Variants in CNST observed in about 807,000 individuals in gnomAD.
The protein encoded by CNST is consortin.
Under a neutral mutation model 72.4 loss-of-function variants are expected in CNST, and 39 were observed. The ratio of observed to expected loss-of-function variants is 0.54; its 90% CI spans 0.42 to 0.70. The LOEUF (loss-of-function observed/expected upper bound fraction) is 0.70. Ranked by LOEUF, CNST falls within the 30% of genes least tolerant of loss-of-function variation. CNST has a pLI of 0.00. For synonymous variants in CNST, 332 were observed against 320.1 expected (o/e 1.04, Z -0.40); for missense variants, 871 against 868.5 (o/e 1.00, Z -0.04).
chr1:246,659,332 C>T (rs1300980407), intron 9 of CNST, among the ~76,000 whole-genome samples: 2 of 152,200 alleles, frequency 1.3e-5, no homozygotes, highest in Non-Finnish European at 2.9e-5. Context: ...CGGTGGCTCA[C>T]ACCTGTAATC....
At position 246,633,943 on chromosome 1, in the gene CNST, C is replaced by G. The variant is rs763403592; in HGVS notation, c.636C>G (p.Phe212Leu). 9 of 1,610,652 alleles carry G rather than the reference C, an allele frequency of 5.6e-6. No individual in the cohort carries two copies. In the East Asian group the frequency reaches 1.3e-4, roughly 24 times the overall value. ...QEEDYEKAMKFIQLERLYHEQ... is the reference protein window; with the variant it reads ...QEEDYEKAMKLIQLERLYHEQ... ...ATTCAGATGAGAAAGCAATGAAATT[C>G]ATTCAGCTAGAACGATTGTATCATG... The change falls in exon 5 of 11, where the codon TTC becomes TTG. Residue 212 changes from phenylalanine (F) to leucine (L), a missense_variant. Phe to Leu is a conservative substitution (Grantham distance 22, BLOSUM62 0). Transcript: ENST00000366513.
intron 9 of CNST, among the ~76,000 whole-genome samples, chr1:246,658,583 G>A (rs1003541109): frequency 6.6e-6 from 1 of 152,096 alleles, no homozygotes; most frequent in South Asian, 2.1e-4. Flanking sequence ...AGAACTAATC[G>A]AATCTGTAAT....
intron 6 of CNST, among the ~76,000 whole-genome samples, chr1:246,636,714 A>C (rs1665279321): frequency 6.6e-6 from 1 of 152,222 alleles, no homozygotes; most frequent in South Asian, 2.1e-4. Flanking sequence ...TTGGACATGT[A>C]GCCCCATTAT....
intron 6 of CNST, among the ~76,000 whole-genome samples, chr1:246,638,882 G>A (rs988075410): frequency 2.0e-5 from 3 of 152,218 alleles, no homozygotes; most frequent in African/African-American, 7.2e-5. Flanking sequence ...GAGCTGGTTA[G>A]CACGGTGATT....
At chr1:246,631,313 T>G (rs1049535884) in intron 3 of CNST, among the ~76,000 whole-genome samples, 3 of 152,304 alleles carry the variant, frequency 2.0e-5, no homozygotes, top group Admixed American at 1.3e-4. Flanking sequence ...ACAATATTAA[T>G]CAACTGTTAG....
At chr1:246,622,230 A>G (rs1298275848) in intron 3 of CNST, among the ~76,000 whole-genome samples, 1 of 152,204 alleles carries the variant, frequency 6.6e-6, no homozygotes, top group Non-Finnish European at 1.5e-5. Flanking sequence ...CCAGGCACCA[A>G]AGACCCTGCT....
intron 1 of CNST, among the ~76,000 whole-genome samples, chr1:246,584,520 G>A (rs1039816987): frequency 5.3e-5 from 8 of 152,052 alleles, no homozygotes; most frequent in African/African-American, 9.7e-5. Context: ...TCCAGCGTAG[G>A]TATCAGTCTT....
chr1:246,614,489 A>G (rs1663548410), intron 2 of CNST, among the ~76,000 whole-genome samples: 1 of 149,564 alleles, frequency 6.7e-6, no homozygotes, highest in African/African-American at 2.5e-5. Flanking sequence ...ACATCTTTCC[A>G]GTCCCCATTT....
At chr1:246,639,912 A>G (rs1002854792) in intron 6 of CNST, among the ~76,000 whole-genome samples, 53 of 150,566 alleles carry the variant, frequency 3.5e-4, no homozygotes, top group Non-Finnish European at 4.4e-5. Context: ...TGTAACTGCT[A>G]TGTGGTACCC....
At chr1:246,644,295 A>C (rs1377390301) in intron 8 of CNST, among the ~76,000 whole-genome samples, 1 of 147,998 alleles carries the variant, frequency 6.8e-6, no homozygotes, top group African/African-American at 2.5e-5. Context: ...AGGCTGAGGC[A>C]GGAGAATGGC....
At chr1:246,661,847 A>AG (rs1335531536) in intron 10 of CNST, among the ~76,000 whole-genome samples, 1 of 152,214 alleles carries the variant, frequency 6.6e-6, no homozygotes, top group African/African-American at 2.4e-5. Flanking sequence ...AAAGCTGGTT[A>AG]GGGGGCCTTA....
chr1:246,587,323 C>A (rs1280255048), intron 1 of CNST, among the ~76,000 whole-genome samples: 1 of 152,136 alleles, frequency 6.6e-6, no homozygotes, highest in African/African-American at 2.4e-5. Flanking sequence ...AAAGAAGGTT[C>A]TAATAAATTA....
chr1:246,595,276 C>G (rs1258871082), intron 2 of CNST, among the ~76,000 whole-genome samples: 1 of 152,122 alleles, frequency 6.6e-6, no homozygotes. Context: ...GAAAGCTTCC[C>G]TCAGAGTTTA....
At chr1:246,607,102 G>A (rs894287413) in intron 2 of CNST, 4 of 152,258 alleles carry the variant, frequency 2.6e-5, no homozygotes, top group African/African-American at 9.7e-5. Context: ...TGACTGTTAG[G>A]GTTTGGTGAC....
At chr1:246,624,233 A>AG (rs1664273628) in intron 3 of CNST, among the ~76,000 whole-genome samples, 1 of 152,246 alleles carries the variant, frequency 6.6e-6, no homozygotes, top group Admixed American at 6.5e-5. Flanking sequence ...ACCAACATCA[A>AG]GGCAGCTTTC....
intron 2 of CNST, among the ~76,000 whole-genome samples, chr1:246,614,320 G>T (rs991272329): frequency 1.3e-5 from 2 of 152,020 alleles, no homozygotes; most frequent in African/African-American, 4.8e-5. Flanking sequence ...ATGAAGTTAG[G>T]TATAGAATTT....
intron 1 of CNST, 118 bp from the exon 2 acceptor site, chr1:246,591,394 C>T: frequency 1.4e-6 from 1 of 734,630 alleles, no homozygotes; most frequent in Non-Finnish European, 2.2e-6. Context: ...GAACTTAAGT[C>T]ATTTCCTTCT....
At chr1:246,575,174 A>C (rs936190560) in intron 1 of CNST, among the ~76,000 whole-genome samples, 2 of 151,994 alleles carry the variant, frequency 1.3e-5, no homozygotes, top group Non-Finnish European at 2.9e-5. Flanking sequence ...TTGTATTTTC[A>C]GTAGAGACGG....
intron 1 of CNST, among the ~76,000 whole-genome samples, chr1:246,583,040 G>A (rs558077884): frequency 6.6e-6 from 1 of 152,310 alleles, no homozygotes; most frequent in South Asian, 2.1e-4. Context: ...TGTGTTTCTT[G>A]GGCAGGGGGG....
Sources: gnomAD v4.1 joint callset for allele counts (sites outside exome capture counted in the v4.1 genomes callset) on GRCh38, gnomAD v4.1.1 for gene constraint, MANE v1.5 for transcripts, NCBI Gene and HGNC (gene_info 2026-07-23, HGNC 2026-07-21) for gene names.